Variants in MCM8 observed in about 807,000 individuals in gnomAD.
The protein encoded by MCM8 is DNA helicase MCM8.
A neutral mutation model predicts 98.9 loss-of-function variants in MCM8; 85 were observed. The observed-to-expected ratio is 0.86, with a 90% CI of 0.72 to 1.03. The LOEUF (loss-of-function observed/expected upper bound fraction) is 1.03. MCM8 is among the 50% of genes least tolerant of loss of function. MCM8 has a pLI of 0.00. For missense variants in MCM8, 951 were observed against 997.8 expected, an observed-to-expected ratio of 0.95 and a Z score of 0.63; for synonymous variants, 352 against 338.6, an observed-to-expected ratio of 1.04 and a Z score of -0.44.
At chr20:5,979,810 T>C (rs562156299) in intron 13 of MCM8, among the ~76,000 whole-genome samples, 1 of 152,358 alleles carries the variant, frequency 6.6e-6, no homozygotes, top group Admixed American at 6.5e-5. Context: ...AAAAATTAGA[T>C]TGTGTTACTC....
intron 8 of MCM8, 125 bp from the exon 9 acceptor site, chr20:5,967,311 A>G: frequency 1.4e-6 from 1 of 726,258 alleles, no homozygotes; most frequent in Non-Finnish European, 2.1e-6. Flanking sequence ...TAGATATACC[A>G]TTAAACTGTT....
intron 17 of MCM8, among the ~76,000 whole-genome samples, chr20:5,990,387 C>T (rs1023419535): frequency 1.3e-5 from 2 of 152,064 alleles, no homozygotes; most frequent in Non-Finnish European, 2.9e-5. Flanking sequence ...TCACACAGTC[C>T]TTGACCCATC....
chr20:5,972,539 T>C (rs938396951), intron 11 of MCM8: 3 of 323,178 alleles, frequency 9.3e-6, no homozygotes, highest in African/African-American at 4.5e-5. Context: ...AGAGTAAATA[T>C]GAATGGGCTT....
intron 13 of MCM8, among the ~76,000 whole-genome samples, chr20:5,979,408 G>C (rs753030775): frequency 6.6e-6 from 1 of 152,006 alleles, no homozygotes; most frequent in Non-Finnish European, 1.5e-5. Flanking sequence ...TTATAATCTC[G>C]TTTCCCTTAA....
At position 5,997,039 on chromosome 20, in the gene MCM8, C is replaced by G. The variant is rs1378703096; in HGVS notation, c.*2648C>G. On this transcript the variant is annotated 3_prime_UTR_variant, in exon 19 of 19. Transcript: ENST00000610722. ...GGCCTGGTGTGGCATGGCACGCCCT[C>G]TTGGGAGATGAAAGTAATCTTCCAT... is the stretch of plus-strand genomic sequence containing the variant. 6.6e-6 allele frequency: 1 copy of G among 152,360 alleles called. No individual in the cohort carries two copies. 9.4% of individuals were successfully genotyped at this position (152,360 alleles called of 1,614,324 possible). A position where few individuals can be genotyped will look rare whatever the true frequency, so the allele number is the denominator to read the frequency against.
In MCM8 at chr20:5,996,365, A is replaced by G. The variant is rs952848146; in HGVS notation, c.*1974A>G. On this transcript the variant is annotated 3_prime_UTR_variant, in exon 19 of 19. Transcript: ENST00000610722. ...TAGGAGTTAAAAGATATTTAAAGCA[A>G]ATAACTCAGGCATGGTGGTGTGTGC... 3.9e-5 allele frequency: 6 copies of G among 152,012 alleles called. No homozygotes were observed. Among genetic ancestry groups the G allele is most frequent in the Non-Finnish European group, 1.5e-5 (1 of 68,012 alleles). The allele number at this position is 152,012 out of a possible 1,614,324, so 9.4% of individuals were successfully genotyped here. A position where few individuals can be genotyped will look rare whatever the true frequency, so the allele number is the denominator to read the frequency against.
At chr20:5,956,534 T>A (rs1442962295) in intron 5 of MCM8, among the ~76,000 whole-genome samples, 3 of 152,122 alleles carry the variant, frequency 2.0e-5, no homozygotes, top group African/African-American at 7.2e-5. Context: ...GCTGGGATTA[T>A]AGGCATGCAC....
chr20:5,956,783 G>T (rs970542680), intron 5 of MCM8, among the ~76,000 whole-genome samples: 4 of 152,030 alleles, frequency 2.6e-5, no homozygotes, highest in Non-Finnish European at 5.9e-5. Flanking sequence ...ATTGGTCAGT[G>T]AATATAGAGA....
At chr20:5,967,747 A>G (rs984704773) in intron 9 of MCM8, 83 bp from the exon 10 acceptor site, 4 of 1,375,110 alleles carry the variant, frequency 2.9e-6, no homozygotes, top group Non-Finnish European at 4.0e-6. Context: ...GTAGCTCCCT[A>G]TGACTTTGTT....
At chr20:5,975,637 C>T (rs2089494452) in intron 12 of MCM8, among the ~76,000 whole-genome samples, 2 of 151,686 alleles carry the variant, frequency 1.3e-5, no homozygotes, top group African/African-American at 4.8e-5. Context: ...GCTGGGACTA[C>T]AGGCGCCCAC....
intron 12 of MCM8, among the ~76,000 whole-genome samples, chr20:5,976,199 G>C (rs2089508150): frequency 6.6e-6 from 1 of 152,142 alleles, no homozygotes; most frequent in African/African-American, 2.4e-5. Flanking sequence ...GGCTGAAGTG[G>C]GAGAATCACT....
At chr20:5,957,339 G>C (rs146121619) in intron 6 of MCM8, 110 bp downstream of exon 6, 8 of 662,240 alleles carry the variant, frequency 1.2e-5, no homozygotes, top group Non-Finnish European at 1.7e-5. Context: ...AAGGACATGA[G>C]TTCCTTGCCA....
At chr20:5,973,884 G>T (rs1300547566) in intron 12 of MCM8, among the ~76,000 whole-genome samples, 1 of 152,026 alleles carries the variant, frequency 6.6e-6, no homozygotes, top group African/African-American at 2.4e-5. Context: ...TGAACTCTTG[G>T]CCTCAAGTGA....
In MCM8 at chr20:5,972,029, G is replaced by T; in HGVS notation, c.1246G>T (p.Gly416Cys). The change falls in exon 11 of 19, where the codon GGT becomes TGT. Residue 416 changes from glycine to cysteine, a missense_variant. Coordinates refer to ENST00000610722, the MANE Select transcript of MCM8 (RefSeq NM_032485.6). Reference protein sequence around the residue: ...IVNSLCPVIFGHELVKAGLAL... With the variant: ...IVNSLCPVIFCHELVKAGLAL... The stretch of plus-strand genomic sequence containing the variant: ...CAGCTCGCTTTGCCCTGTCATTTTT[G>T]GTCATGAAGTAAGTATTTTACTTCA... 6.2e-7 allele frequency: 1 copy of T among 1,610,350 alleles called. No individual in the cohort carries two copies. The highest frequency in any genetic ancestry group is 1.1e-5 in the South Asian group (1 of 90,486).
At chr20:5,982,124 G>A (rs2089641153) in intron 13 of MCM8, among the ~76,000 whole-genome samples, 1 of 152,152 alleles carries the variant, frequency 6.6e-6, no homozygotes, top group Admixed American at 6.5e-5. Context: ...GGCACTGTAT[G>A]TGCCAGGAAT....
rs2089050093 is a variant in MCM8, at chr20:5,958,600, A to G, written c.663A>G (p.Leu221=). The change falls in exon 7 of 19, where the codon CTA becomes CTG. Residue 221 remains leucine (L), a synonymous_variant. Transcript: ENST00000610722. ...RANYYGKYIA[L]RGTVVRVSNI... ...ATTACTATGGAAAATACATTGCTCT[A>G]AGAGGGACAGTGGTTCGTGTCAGTA... is the stretch of plus-strand genomic sequence containing the variant. 4 of 1,614,148 alleles carry G rather than the reference A, an allele frequency of 2.5e-6. No individual in the cohort carries two copies. Among genetic ancestry groups the G allele is most frequent in the Admixed American group, 1.7e-5 (1 of 60,026 alleles).
chr20:5,963,868 A>G (rs2089213552), intron 8 of MCM8, among the ~76,000 whole-genome samples: 1 of 152,188 alleles, frequency 6.6e-6, no homozygotes, highest in Non-Finnish European at 1.5e-5. Context: ...ATTCTCTGTC[A>G]GATTCCAGAA....
At position 5,976,592 on chromosome 20, in the gene MCM8, C is replaced by T. The variant is rs147932140; in HGVS notation, c.1396-1284C>T. Among the ~76,000 whole-genome samples, 1,101 of 152,226 alleles carry T rather than the reference C, an allele frequency of 7.2e-3. 12 individuals are homozygous for T. The highest frequency in any genetic ancestry group is 0.03 in the Admixed American group (455 of 15,300). On this transcript the variant is annotated intron_variant, in intron 12 of 18. Transcript: ENST00000610722. ...CAAAAAAATAAACAGTTCCAGGTAC[C>T]GGGGCTTAAACTATCACAAAGAGAT...
intron 13 of MCM8, among the ~76,000 whole-genome samples, chr20:5,978,746 C>T (rs535871577): frequency 7.2e-5 from 11 of 152,126 alleles, no homozygotes; most frequent in South Asian, 4.2e-4. Context: ...TTAGTAGAGA[C>T]GGGGTTTTAC....
Sources: allele counts gnomAD v4.1 joint callset (sites outside exome capture counted in the v4.1 genomes callset), GRCh38; gene constraint gnomAD v4.1.1; transcripts MANE v1.5; gene names NCBI Gene and HGNC (gene_info 2026-07-23, HGNC 2026-07-21).